DHX8: variants seen among roughly 807,000 people sequenced by gnomAD.
DHX8 encodes ATP-dependent RNA helicase DHX8.
Under a neutral mutation model 140.7 loss-of-function variants are expected in DHX8, and 67 were observed. The observed-to-expected ratio is 0.48, with a 90% confidence interval of 0.39 to 0.58. The LOEUF is 0.58. DHX8 is among the 20% of genes least tolerant of loss of function. The pLI is 0.00. For missense variants in DHX8, 887 were observed against 1,550.7 expected (o/e 0.57, Z 7.19); for synonymous variants, 533 against 553.2 (o/e 0.96, Z 0.51).
chr17:43,512,687 C>T (rs553785627), intron 16 of DHX8, among the ~76,000 whole-genome samples: 1 of 152,276 alleles, frequency 6.6e-6, no homozygotes, highest in South Asian at 2.1e-4. Flanking sequence ...AAGATGCTGG[C>T]ATGATGCGTG....
At chr17:43,529,206 G>A (rs369223687), downstream of DHX8, 18 of 1,613,776 alleles carry the variant, frequency 1.1e-5, no homozygotes, top group Admixed American at 3.3e-5. Context: ...ATGGCTGGCC[G>A]GTTCTTCTGG....
At chr17:43,529,273 T>A (rs773299862), downstream of DHX8, 5 of 1,598,104 alleles carry the variant, frequency 3.1e-6, no homozygotes, top group Non-Finnish European at 4.3e-6. Flanking sequence ...AGATGCTACC[T>A]TGGCAGAGGA....
At chr17:43,497,590 T>C (rs949343941) in intron 9 of DHX8, among the ~76,000 whole-genome samples, 7 of 151,950 alleles carry the variant, frequency 4.6e-5, no homozygotes, top group Non-Finnish European at 1.0e-4. Context: ...GCCCTGTCTT[T>C]ACAAAAGAAA....
At chr17:43,529,760 A>AG, downstream of DHX8, 1 of 1,591,498 alleles carries the variant, frequency 6.3e-7, no homozygotes, top group South Asian at 1.1e-5. Context: ...GATTTCTCGA[A>AG]GGGGTCTCCC....
intron 2 of DHX8, among the ~76,000 whole-genome samples, chr17:43,489,855 G>T (rs1296817579): frequency 1.3e-5 from 2 of 152,118 alleles, no homozygotes; most frequent in African/African-American, 4.8e-5. Context: ...CTTCCAAAGT[G>T]CTGGGATTAC....
chr17:43,510,069 A>G (rs1370996343), intron 16 of DHX8, among the ~76,000 whole-genome samples: 2 of 147,706 alleles, frequency 1.4e-5, no homozygotes, highest in South Asian at 2.1e-4. Context: ...TTGTTTTGAG[A>G]TGGAGTTTCG....
At chr17:43,505,271 T>C (rs566853883) in intron 12 of DHX8, among the ~76,000 whole-genome samples, 1 of 152,116 alleles carries the variant, frequency 6.6e-6, no homozygotes, top group African/African-American at 2.4e-5. Flanking sequence ...TAGCTGGGCG[T>C]GGTGGCGCAT....
intron 1 of DHX8, among the ~76,000 whole-genome samples, chr17:43,488,286 G>GA (rs751549971): frequency 0.014 from 1,562 of 112,194 alleles, 32 homozygotes; most frequent in African/African-American, 0.05. Flanking sequence ...TCAAAAAAAA[G>GA]AAAAAAAAAA....
chr17:43,491,874 T>G (rs989600352), intron 4 of DHX8, among the ~76,000 whole-genome samples: 4 of 152,152 alleles, frequency 2.6e-5, no homozygotes, highest in African/African-American at 7.2e-5. Context: ...GAGAGTTGCT[T>G]TTTAAAATTT....
At position 43,524,049 on chromosome 17, in the gene DHX8, A is replaced by G. The variant is rs1190855997; in HGVS notation, c.*202A>G. The G allele has an allele frequency of 7.1e-7, 1 of 1,417,658 alleles. No individual in the cohort carries two copies. The highest frequency in any genetic ancestry group is 9.2e-7 in the Non-Finnish European group (1 of 1,089,364). 87.8% of individuals were successfully genotyped at this position (1,417,658 alleles called of 1,614,324 possible). On this transcript the variant is annotated 3_prime_UTR_variant, in exon 23 of 23. Transcript: ENST00000262415. ...GCTTTGGCAAGAGCCTGCAGCCTCC[A>G]TCACCCCAAGTCCTTGGGCCCAGTT...
intron 16 of DHX8, among the ~76,000 whole-genome samples, chr17:43,508,855 G>A (rs1207521369): frequency 7.9e-5 from 12 of 151,934 alleles, no homozygotes; most frequent in Admixed American, 5.9e-4. Flanking sequence ...TCCTGACCTC[G>A]TGATCCGCCC....
At chr17:43,504,923 TA>T in intron 12 of DHX8, 98 bp downstream of exon 12, 1 of 1,104,580 alleles carries the variant, frequency 9.1e-7, no homozygotes, top group Middle Eastern at 2.1e-4. Flanking sequence ...AGTATGTGCC[TA>T]CTTGAAGTGG....
chr17:43,498,754 A>C, intron 9 of DHX8, 108 bp from the exon 10 acceptor site: 1 of 806,732 alleles, frequency 1.2e-6, no homozygotes. Flanking sequence ...CCACCAGGGG[A>C]AGCTGTTTTT....
At chr17:43,489,997 A>G (rs1424358852) in intron 2 of DHX8, among the ~76,000 whole-genome samples, 1 of 152,072 alleles carries the variant, frequency 6.6e-6, no homozygotes, top group Non-Finnish European at 1.5e-5. Context: ...TTTTCATGCC[A>G]TTAAGTAGTG....
chr17:43,520,692 G>T, intron 19 of DHX8, 59 bp from the exon 20 acceptor site: 1 of 1,610,142 alleles, frequency 6.2e-7, no homozygotes, highest in Non-Finnish European at 8.5e-7. Context: ...GTCTTGCTCT[G>T]GTGAATCCAA....
intron 8 of DHX8, 35 bp downstream of exon 8, chr17:43,493,921 T>G (rs1172272497): frequency 6.2e-7 from 1 of 1,610,448 alleles, no homozygotes; most frequent in Non-Finnish European, 8.5e-7. Context: ...CAGATAGTCA[T>G]TCAGCATGTA....
chr17:43,533,202 T>C (rs780197934), intron 2 of DHX8: 3 of 1,613,098 alleles, frequency 1.9e-6, no homozygotes, highest in Non-Finnish European at 2.5e-6. Context: ...TTCCCCGAGG[T>C]ACCCATGGCC....
At chr17:43,536,419 T>A in exon 3 of DHX8, 2 of 1,613,826 alleles carry the variant, frequency 1.2e-6, no homozygotes, top group Non-Finnish European at 1.7e-6. Context: ...CAGGGACCTC[T>A]ACTCACGGTT....
At chr17:43,499,609 G>A (rs754802081) in intron 10 of DHX8, among the ~76,000 whole-genome samples, 1 of 152,070 alleles carries the variant, frequency 6.6e-6, no homozygotes, top group African/African-American at 2.4e-5. Context: ...CTGAAACCTC[G>A]CTCACTGAAG....
Sources: allele counts gnomAD v4.1 joint callset (sites outside exome capture counted in the v4.1 genomes callset), GRCh38; gene constraint gnomAD v4.1.1; transcripts MANE v1.5; gene names NCBI Gene and HGNC (gene_info 2026-07-23, HGNC 2026-07-21).